Variants in RAP1GAP2 observed in about 807,000 individuals in gnomAD.
RAP1GAP2 encodes the protein RAP1 GTPase activating protein 2.
RAP1GAP2 carries 27 observed loss-of-function variants against 95.0 expected under a neutral mutation model. The ratio of observed to expected loss-of-function variants is 0.28; its 90% CI spans 0.21 to 0.39. RAP1GAP2 has a LOEUF of 0.39. Ranked by LOEUF, RAP1GAP2 falls within the 10% of genes least tolerant of loss-of-function variation. The probability of loss-of-function intolerance (pLI) is 1.00; values close to 1 mark genes in which losing one functional copy is unlikely to be tolerated. For missense variants in RAP1GAP2, 771 were observed against 970.0 expected (o/e 0.79, Z 2.72); for synonymous variants, 373 against 380.9 (o/e 0.98, Z 0.24).
intron 1 of RAP1GAP2, among the ~76,000 whole-genome samples, chr17:2,781,576 GTC>G (rs2068648800): frequency 1.0e-5 from 1 of 99,906 alleles, no homozygotes; most frequent in South Asian, 3.5e-4. Context: ...GTGTGTGCAG[GTC>G]TCTGTGTGGG....
In RAP1GAP2 at chr17:2,867,427, T is replaced by C. The variant is rs1311717440; in HGVS notation, c.81-37857T>C. 6.6e-6 allele frequency among the ~76,000 whole-genome samples: 1 copy of C among 152,298 alleles called. No homozygotes were observed. Among genetic ancestry groups the C allele is most frequent in the South Asian group, 2.1e-4 (1 of 4,824 alleles). On this transcript the variant is annotated intron_variant, in intron 2 of 24. Transcript: ENST00000254695. This position sits in a 1 kb window ranked among gnomAD's most constrained non-coding sequence, Gnocchi z 4.5. ...GCCTTCCTTTGGGTTGCCTTCGTCC[T>C]CAGGTACCTTATCCACGAAGATGGA...
chr17:2,915,910 G>C (rs754016385), intron 3 of RAP1GAP2, among the ~76,000 whole-genome samples: 4 of 152,032 alleles, frequency 2.6e-5, no homozygotes, highest in Non-Finnish European at 5.9e-5. Context: ...ACGTTGGCCA[G>C]GATGGTCTCA....
chr17:2,846,691 C>T (rs2071602631), intron 2 of RAP1GAP2, among the ~76,000 whole-genome samples: 1 of 152,108 alleles, frequency 6.6e-6, no homozygotes, highest in African/African-American at 2.4e-5. Context: ...GTTGTTATTC[C>T]CATTTTACAG....
intron 2 of RAP1GAP2, among the ~76,000 whole-genome samples, chr17:2,849,786 C>G (rs1210944763): frequency 6.7e-6 from 1 of 148,484 alleles, no homozygotes; most frequent in Middle Eastern, 3.6e-3. Context: ...CAGGAAGACC[C>G]CTTCTCTGCC....
intron 1 of RAP1GAP2, among the ~76,000 whole-genome samples, chr17:2,790,089 C>G (rs967887170): frequency 6.6e-6 from 1 of 151,914 alleles, no homozygotes; most frequent in African/African-American, 2.4e-5. Flanking sequence ...TCCCTGGAGA[C>G]CAGCATCTTT....
intron 2 of RAP1GAP2, among the ~76,000 whole-genome samples, chr17:2,832,557 C>CAAA (rs35663343): frequency 3.9e-5 from 3 of 76,748 alleles, no homozygotes; most frequent in African/African-American, 5.4e-5. Context: ...GACTCCATCT[C>CAAA]AAAAAAAAAA....
In RAP1GAP2 at chr17:3,037,621, T is replaced by C. The variant is rs2047509219; in HGVS notation, c.*4260T>C. 6.6e-6 allele frequency: 1 copy of C among 152,542 alleles called. No individual in the cohort carries two copies. Among genetic ancestry groups the C allele is most frequent in the Non-Finnish European group, 1.5e-5 (1 of 68,032 alleles). 9.4% of individuals were successfully genotyped at this position (152,542 alleles called of 1,614,324 possible). On this transcript the variant is annotated 3_prime_UTR_variant, in exon 25 of 25. Coordinates refer to ENST00000254695, the MANE Select transcript of RAP1GAP2 (RefSeq NM_015085.5). Reference sequence around the variant, plus strand: ...AAATAATGTACATTTAATTTATTGCTATGGTAGCACATTGTATTTGTTAAT... The same window carrying C: ...AAATAATGTACATTTAATTTATTGCCATGGTAGCACATTGTATTTGTTAAT...
At chr17:3,021,488 G>T (rs2046959408) in intron 19 of RAP1GAP2, among the ~76,000 whole-genome samples, 1 of 134,816 alleles carries the variant, frequency 7.4e-6, no homozygotes. Context: ...AGGCTGGAAT[G>T]CAGTGGCGCC....
intron 19 of RAP1GAP2, 121 bp from the exon 20 acceptor site, chr17:3,025,887 G>T (rs1387863817): frequency 1.4e-6 from 1 of 693,234 alleles, no homozygotes; most frequent in Admixed American, 2.6e-5. Context: ...GTGATGCCAG[G>T]CGGGGGCGCT....
At chr17:3,019,064 A>C (rs749897731) in intron 18 of RAP1GAP2, among the ~76,000 whole-genome samples, 8 of 152,080 alleles carry the variant, frequency 5.3e-5, no homozygotes, top group Non-Finnish European at 1.2e-4. Context: ...TCTCAAAAAA[A>C]CAAAACAAAA....
rs147358865 is a variant in RAP1GAP2 at position 2,963,074 on chromosome 17, C to T, written c.247-356C>T. On this transcript the variant is annotated intron_variant, in intron 5 of 24. Coordinates refer to ENST00000254695, the MANE Select transcript of RAP1GAP2 (RefSeq NM_015085.5). The surrounding 1 kb of genome is among the most constrained non-coding windows in gnomAD (Gnocchi z 4.8). ...CTCTCAGCTTCCCAACCCAGGGGTG[C>T]CGCTTATCACTTGGAGGTCAGTCCG... The T allele has an allele frequency of 3.9e-3, 2,044 of 522,534 alleles. 5 individuals are homozygous for T. Among genetic ancestry groups the T allele is most frequent in the Non-Finnish European group, 5.8e-3 (1,721 of 294,824 alleles). 32.4% of individuals were successfully genotyped at this position (522,534 alleles called of 1,614,324 possible). A position where few individuals can be genotyped will look rare whatever the true frequency, so the allele number is the denominator to read the frequency against.
rs147307147 is a variant in RAP1GAP2, at chr17:2,800,900, AGT to A, written c.80+352_80+353del. On this transcript the variant is annotated intron_variant, in intron 2 of 24. Transcript: ENST00000254695. ...GAGTCTTGCTCTGTTGCCAGGCTGG[AGT>A]GCGGTGGCATGATCTCTGCTCACTG... Among the ~76,000 whole-genome samples, 648 of 137,688 alleles carry A rather than the reference AGT, an allele frequency of 4.7e-3. 1 individual carries two copies. Among genetic ancestry groups the A allele is most frequent in the African/African-American group, 0.017 (613 of 36,468 alleles). 90.3% of individuals were successfully genotyped at this position (137,688 alleles called of 152,430 possible). A position where few individuals can be genotyped will look rare whatever the true frequency, so the allele number is the denominator to read the frequency against.
chr17:2,781,194 G>A (rs2068637187), intron 1 of RAP1GAP2, among the ~76,000 whole-genome samples: 1 of 152,222 alleles, frequency 6.6e-6, no homozygotes, highest in African/African-American at 2.4e-5. Context: ...AGGATTACTG[G>A]CCTCCTTCTT....
intron 2 of RAP1GAP2, among the ~76,000 whole-genome samples, chr17:2,847,868 T>A (rs1415515094): frequency 6.6e-6 from 1 of 152,186 alleles, no homozygotes; most frequent in Non-Finnish European, 1.5e-5. Flanking sequence ...ATAACACCTC[T>A]TCCTGTTCGT....
chr17:2,840,681 G>T (rs112463210), intron 2 of RAP1GAP2, among the ~76,000 whole-genome samples: 5 of 151,874 alleles, frequency 3.3e-5, no homozygotes, highest in African/African-American at 1.2e-4. Context: ...TATGAGAAAT[G>T]ATTATATCCA....
At chr17:2,798,081 A>T (rs569769841) in intron 1 of RAP1GAP2, among the ~76,000 whole-genome samples, 4 of 152,340 alleles carry the variant, frequency 2.6e-5, no homozygotes, top group African/African-American at 7.2e-5. Context: ...GTGAGGGGGA[A>T]GACAGGAGTG....
At chr17:2,760,392 G>A (rs1463965480) in intron 1 of RAP1GAP2, among the ~76,000 whole-genome samples, 5 of 151,022 alleles carry the variant, frequency 3.3e-5, no homozygotes, top group African/African-American at 1.2e-4. Context: ...CCAGGGTGGA[G>A]TGTAGTGGCG....
chr17:2,801,659 G>A (rs1273344838), intron 2 of RAP1GAP2, among the ~76,000 whole-genome samples: 1 of 139,882 alleles, frequency 7.1e-6, no homozygotes, highest in Non-Finnish European at 1.5e-5. Context: ...GATGTCAGCT[G>A]CTCATCAAGT....
At chr17:2,813,394 C>T (rs1000528903) in intron 2 of RAP1GAP2, among the ~76,000 whole-genome samples, 21 of 152,252 alleles carry the variant, frequency 1.4e-4, no homozygotes, top group East Asian at 3.9e-4. Context: ...AAAGATCCCC[C>T]GTTCATTCCA....
Sources: gnomAD v4.1 joint callset for allele counts (sites outside exome capture counted in the v4.1 genomes callset) on GRCh38, gnomAD v4.1.1 for gene constraint, Gnocchi (gnomAD v3.1) non-coding constraint, MANE v1.5 for transcripts, NCBI Gene and HGNC (gene_info 2026-07-23, HGNC 2026-07-21) for gene names.